Variants in ARB2A observed in about 807,000 individuals in gnomAD.
The protein encoded by ARB2A is cotranscriptional regulator ARB2A.
chr5:93,883,520 C>A, the ARB2A span, among the ~76,000 whole-genome samples: 1 of 151,550 alleles, frequency 6.6e-6, no homozygotes, highest in Non-Finnish European at 1.5e-5. Context: ...TCTTGTAATT[C>A]ATTGTGATCA....
At chr5:93,934,056 C>T in the ARB2A span, among the ~76,000 whole-genome samples, 11 of 151,806 alleles carry the variant, frequency 7.2e-5, no homozygotes, top group African/African-American at 2.4e-4. Flanking sequence ...AAAATATGAT[C>T]CCCTTAACAA....
the ARB2A span, among the ~76,000 whole-genome samples, chr5:93,621,362 T>C: frequency 6.6e-6 from 1 of 151,986 alleles, no homozygotes; most frequent in African/African-American, 2.4e-5. Context: ...GCGGGGTCAC[T>C]TGCCCCCTGG....
the ARB2A span, among the ~76,000 whole-genome samples, chr5:93,925,774 A>T: frequency 6.6e-6 from 1 of 152,166 alleles, no homozygotes; most frequent in African/African-American, 2.4e-5. Context: ...ACCACCTAAG[A>T]AGAAAATCCT....
chr5:93,764,019 T>C, the ARB2A span, among the ~76,000 whole-genome samples: 1 of 152,318 alleles, frequency 6.6e-6, no homozygotes, highest in Admixed American at 6.5e-5. Flanking sequence ...AGACACAACA[T>C]GTCAGAATCT....
chr5:93,732,148 G>T, the ARB2A span, among the ~76,000 whole-genome samples: 1 of 152,090 alleles, frequency 6.6e-6, no homozygotes, highest in Non-Finnish European at 1.5e-5. Context: ...TCTGTTCACT[G>T]GTGTCGCCAT....
At chr5:93,752,669 T>C in the ARB2A span, among the ~76,000 whole-genome samples, 2 of 152,156 alleles carry the variant, frequency 1.3e-5, no homozygotes, top group African/African-American at 2.4e-5. Context: ...TGATGAAATA[T>C]ATATACTCAG....
At chr5:94,109,819 T>C in the ARB2A span, among the ~76,000 whole-genome samples, 10 of 151,634 alleles carry the variant, frequency 6.6e-5, no homozygotes, top group South Asian at 4.2e-4. Flanking sequence ...CTTACCACCC[T>C]ATCTAAAATA....
At chr5:93,810,340 C>T in the ARB2A span, among the ~76,000 whole-genome samples, 2 of 151,924 alleles carry the variant, frequency 1.3e-5, no homozygotes, top group African/African-American at 4.8e-5. Flanking sequence ...TCAAACAAGG[C>T]TCATCATACC....
chr5:93,731,648 C>T, the ARB2A span, among the ~76,000 whole-genome samples: 3 of 152,286 alleles, frequency 2.0e-5, no homozygotes, highest in Non-Finnish European at 2.9e-5. Flanking sequence ...GATCTAGGAA[C>T]ATTATCATCC....
At chr5:93,779,090 A>AGTGTGTGTGTGTGTGTGT in the ARB2A span, among the ~76,000 whole-genome samples, 3 of 143,342 alleles carry the variant, frequency 2.1e-5, no homozygotes, top group African/African-American at 5.3e-5. Context: ...GTCATTTCAG[A>AGTGTGTGTGTGTGTGTGT]GTGTGTGTGT....
the ARB2A span, among the ~76,000 whole-genome samples, chr5:93,960,310 T>G: frequency 6.6e-6 from 1 of 152,122 alleles, no homozygotes; most frequent in Non-Finnish European, 1.5e-5. Flanking sequence ...TAACACCTTT[T>G]CATTGAAGCC....
chr5:93,763,268 C>T, the ARB2A span, among the ~76,000 whole-genome samples: 2 of 152,140 alleles, frequency 1.3e-5, no homozygotes, highest in Non-Finnish European at 2.9e-5. Flanking sequence ...GATAAAGAGT[C>T]AAGACCCATC....
At chr5:94,029,602 C>T in the ARB2A span, among the ~76,000 whole-genome samples, 3 of 152,200 alleles carry the variant, frequency 2.0e-5, no homozygotes, top group African/African-American at 7.2e-5. Context: ...TCAGAAAACA[C>T]ACAATGTCAG....
At chr5:93,765,801 T>C in the ARB2A span, among the ~76,000 whole-genome samples, 9 of 152,092 alleles carry the variant, frequency 5.9e-5, no homozygotes, top group African/African-American at 1.2e-4. Flanking sequence ...TACAAGGCTA[T>C]GGTAACCAAA....
chr5:93,762,704 C>T, the ARB2A span, among the ~76,000 whole-genome samples: 2 of 152,102 alleles, frequency 1.3e-5, no homozygotes, highest in African/African-American at 4.8e-5. Context: ...CAGAGAACGC[C>T]ACAAAGATAC....
chr5:93,792,494 T>C, the ARB2A span, among the ~76,000 whole-genome samples: 3 of 152,062 alleles, frequency 2.0e-5, no homozygotes, highest in Non-Finnish European at 4.4e-5. Context: ...ACTCATATTT[T>C]AGGAAAGAAG....
At chr5:94,099,025 A>T in the ARB2A span, among the ~76,000 whole-genome samples, 1 of 152,138 alleles carries the variant, frequency 6.6e-6, no homozygotes, top group Non-Finnish European at 1.5e-5. Context: ...CCTGATGGAG[A>T]CACAGCCAAA....
At chr5:93,899,829 G>T in the ARB2A span, among the ~76,000 whole-genome samples, 1 of 152,076 alleles carries the variant, frequency 6.6e-6, no homozygotes, top group Non-Finnish European at 1.5e-5. Flanking sequence ...TTCTTTACTT[G>T]TACTTTTTGG....
chr5:93,741,739 G>A, the ARB2A span: 2 of 694,548 alleles, frequency 2.9e-6, no homozygotes, highest in African/African-American at 3.6e-5. Flanking sequence ...CTGGGTCCTA[G>A]GGTTAAGGGA....
Sources: gnomAD v4.1 joint callset for allele counts (sites outside exome capture counted in the v4.1 genomes callset) on GRCh38, gnomAD v4.1.1 for gene constraint, MANE v1.5 for transcripts, NCBI Gene and HGNC (gene_info 2026-07-23, HGNC 2026-07-21) for gene names.